Variants in GOLGB1 observed in about 807,000 individuals in gnomAD.
GOLGB1 encodes the protein golgin B1.
In GOLGB1, 174 loss-of-function variants were observed where a neutral mutation model predicts 336.9. The observed-to-expected ratio is 0.52, with a 90% CI of 0.46 to 0.59. The LOEUF (loss-of-function observed/expected upper bound fraction) is 0.59, where lower values mean the gene tolerates loss of function less well. GOLGB1 is among the 20% of genes least tolerant of loss of function. The pLI is 0.00. For synonymous variants in GOLGB1, 1,208 were observed against 1,289.2 expected, an observed-to-expected ratio of 0.94 and a Z score of 1.35; for missense variants, 3,331 against 3,645.3, an observed-to-expected ratio of 0.91 and a Z score of 2.22.
chr3:121,729,185 T>A lies in GOLGB1; in HGVS notation c.402+3A>T. ...AAATATACACTACACCCAGTCACCA[T>A]ACCTTGGAAAGTTGCTCCTCTGACT... On this transcript the variant is annotated splice_donor_region_variant and intron_variant, in intron 4 of 21. Transcript: ENST00000614479. 6.2e-7 allele frequency: 1 copy of A among 1,601,608 alleles called. No homozygotes were observed. The highest frequency in any genetic ancestry group is 8.5e-7 in the Non-Finnish European group (1 of 1,174,830).
At chr3:121,748,436 T>C (rs375601962) in intron 1 of GOLGB1, among the ~76,000 whole-genome samples, 3 of 149,828 alleles carry the variant, frequency 2.0e-5, no homozygotes, top group Non-Finnish European at 4.5e-5. Context: ...GTAAAAAATA[T>C]TGATGCAGTG....
rs1220639767 is a variant in GOLGB1, at chr3:121,690,792, C to G, written c.8572G>C (p.Glu2858Gln). 1 of 1,600,538 alleles carries G rather than the reference C, an allele frequency of 6.2e-7. No homozygotes were observed. The highest frequency in any genetic ancestry group is 1.1e-5 in the South Asian group (1 of 88,268). The change falls in exon 14 of 22, where the codon GAG (glutamate) becomes CAG (glutamine). Residue 2858 changes from glutamate to glutamine, a missense_variant. Physicochemically the swap from Glu to Gln is conservative, Grantham distance 29 (BLOSUM62 2). Transcript: ENST00000614479. Reference sequence around the variant, plus strand: ...CCTTCCTCTGACTTTCGAAATTTCTCCAGCTCATTCCACAGGTGATCTCTC... The same window carrying G: ...CCTTCCTCTGACTTTCGAAATTTCTGCAGCTCATTCCACAGGTGATCTCTC... ...NERDHLWNEL[E>Q]KFRKSEEGKQ...
At position 121,664,287 on chromosome 3, in the gene GOLGB1, A is replaced by C. The variant is rs947503010; in HGVS notation, c.*193T>G. 8.3e-6 allele frequency: 5 copies of C among 605,056 alleles called. No individual in the cohort carries two copies. Among genetic ancestry groups the C allele is most frequent in the African/African-American group, 7.4e-5 (4 of 53,808 alleles). The allele number at this position is 605,056 out of a possible 1,614,324, so 37.5% of individuals were successfully genotyped here. On this transcript the variant is annotated 3_prime_UTR_variant, in exon 22 of 22. Coordinates refer to ENST00000614479, the MANE Select transcript of GOLGB1 (RefSeq NM_001366282.2). ...GCGTTCAGGCTCAGGGCAGTAGAAG[A>C]AAGCAGACTCGCCAGTCCCTGCAGC...
intron 1 of GOLGB1, among the ~76,000 whole-genome samples, chr3:121,747,153 TATATA>T (rs1560351147): frequency 4.9e-5 from 1 of 20,320 alleles, no homozygotes; most frequent in Non-Finnish European, 1.2e-4. Context: ...ATGGATGTTA[TATATA>T]TATATATATA....
chr3:121,736,457 A>G (rs977941913), intron 1 of GOLGB1, among the ~76,000 whole-genome samples: 1 of 152,228 alleles, frequency 6.6e-6, no homozygotes, highest in Non-Finnish European at 1.5e-5. Flanking sequence ...CCGTAAGCCC[A>G]GTCTAATCAT....
chr3:121,670,740 C>G (rs1576261034), intron 17 of GOLGB1, among the ~76,000 whole-genome samples: 1 of 114,868 alleles, frequency 8.7e-6, no homozygotes, highest in Admixed American at 1.1e-4. Flanking sequence ...CTAAGAAAAT[C>G]ATAGGGTTTT....
At position 121,696,231 on chromosome 3, in the gene GOLGB1, T is replaced by G; in HGVS notation, c.4292A>C (p.Gln1431Pro). 6.2e-7 allele frequency: 1 copy of G among 1,614,034 alleles called. No individual in the cohort carries two copies. Among genetic ancestry groups the G allele is most frequent in the East Asian group, 2.2e-5 (1 of 44,874 alleles). ...ATCTTCTTGTTCTATTATCTCTGTC[T>G]GTATTTTAGTGAGAGCTGCTTCTTT... ...SEKEAALTKI[Q>P]TEIIEQEDLI... Residue 1431 changes from glutamine (Q) to proline (P), a missense_variant, in exon 13 of 22, where the codon CAG (glutamine) becomes CCG (proline). Transcript: ENST00000614479.
intron 5 of GOLGB1, among the ~76,000 whole-genome samples, chr3:121,725,703 G>A (rs1180982642): frequency 6.6e-6 from 1 of 152,104 alleles, no homozygotes; most frequent in Non-Finnish European, 1.5e-5. Flanking sequence ...AGTGTGACAA[G>A]AGGCCTTTAA....
At chr3:121,703,318 G>A (rs1353677286) in intron 10 of GOLGB1, among the ~76,000 whole-genome samples, 3 of 152,170 alleles carry the variant, frequency 2.0e-5, no homozygotes, top group Admixed American at 6.5e-5. Flanking sequence ...TGAATTTAGG[G>A]TTTTTATGGC....
At position 121,694,931 on chromosome 3, in the gene GOLGB1, G is replaced by A. The variant is rs762668911; in HGVS notation, c.5592C>T (p.Asn1864=). Reference sequence around the variant, plus strand: ...TTTCTAAAGTCTGGCTAAATTCCTTGTTTTTCTGCTTCTCCTCCTCTAATC... The same window carrying A: ...TTTCTAAAGTCTGGCTAAATTCCTTATTTTTCTGCTTCTCCTCCTCTAATC... ...IAGLEEEKQK[N]KEFSQTLENE... The change falls in exon 13 of 22, where the codon AAC becomes AAT. Residue 1864 remains asparagine, a synonymous_variant. Coordinates refer to ENST00000614479, the MANE Select transcript of GOLGB1 (RefSeq NM_001366282.2). The A allele has an allele frequency of 6.2e-7, 1 of 1,613,988 alleles. No individual in the cohort carries two copies. Among genetic ancestry groups the A allele is most frequent in the Non-Finnish European group, 8.5e-7 (1 of 1,179,914 alleles).
In GOLGB1 at chr3:121,702,537, T is replaced by C. The variant is rs1943494663; in HGVS notation, c.1463A>G (p.Glu488Gly). The C allele has an allele frequency of 1.3e-6, 2 of 1,553,564 alleles. No individual in the cohort carries two copies. The highest frequency in any genetic ancestry group is 1.7e-6 in the Non-Finnish European group (2 of 1,151,178). Residue 488 changes from glutamate (E) to glycine (G), a missense_variant, in exon 11 of 22, where the codon GAA (glutamate) becomes GGA (glycine). Transcript: ENST00000614479. ...LQKRVVELEN[E>G]KGALLLSSIE... ...AGAACTAAGGAGCAAGGCTCCCTTT[T>C]CATTCTCTAGTTCTACCACTCTCTT... is the stretch of plus-strand genomic sequence containing the variant.
At chr3:121,716,024 G>T (rs760801751) in intron 9 of GOLGB1, among the ~76,000 whole-genome samples, 9 of 151,582 alleles carry the variant, frequency 5.9e-5, no homozygotes, top group Non-Finnish European at 7.4e-5. Flanking sequence ...AAAACTGTCT[G>T]GCTAACATTC....
chr3:121,673,685 TGCTATCTA>T (rs950726725), intron 17 of GOLGB1, among the ~76,000 whole-genome samples: 3 of 139,144 alleles, frequency 2.2e-5, no homozygotes, highest in African/African-American at 8.1e-5. Context: ...TAAATGGGAT[TGCTATCTA>T]TCTATCTATC....
chr3:121,707,225 CAA>C (rs554313106), intron 10 of GOLGB1, among the ~76,000 whole-genome samples: 15 of 93,628 alleles, frequency 1.6e-4, no homozygotes, highest in East Asian at 5.7e-4. Flanking sequence ...GACTCCATCT[CAA>C]AAAAAAAAAA....
chr3:121,744,386 G>A lies in GOLGB1; in HGVS notation c.-3+5246C>T, dbSNP rs910249432. On this transcript the variant is annotated intron_variant, in intron 1 of 21. Coordinates refer to ENST00000614479, the MANE Select transcript of GOLGB1 (RefSeq NM_001366282.2). Reference sequence around the variant, plus strand: ...CCTTAGAAGGCTGAGGTGAGAGGATGGCTTGAGCTCAAGAGTTCAAGACCA... The same window carrying A: ...CCTTAGAAGGCTGAGGTGAGAGGATAGCTTGAGCTCAAGAGTTCAAGACCA... Among the ~76,000 whole-genome samples, 5 of 146,476 alleles carry A rather than the reference G, an allele frequency of 3.4e-5. No individual in the cohort carries two copies. The Admixed American group carries it at 3.5e-4, about 10-fold the overall frequency.
intron 1 of GOLGB1, among the ~76,000 whole-genome samples, chr3:121,736,673 C>A (rs563868981): frequency 1.2e-4 from 18 of 152,264 alleles, no homozygotes; most frequent in African/African-American, 3.8e-4. Context: ...GAGGCCGAGG[C>A]AGGCAGATCA....
intron 14 of GOLGB1, among the ~76,000 whole-genome samples, chr3:121,687,335 G>T (rs1438848145): frequency 2.6e-5 from 4 of 152,190 alleles, no homozygotes; most frequent in Admixed American, 2.6e-4. Context: ...GTCTATTCTA[G>T]AGATAGTACA....
In GOLGB1 at chr3:121,664,556, C is replaced by T. The variant is rs771045916; in HGVS notation, c.9719G>A (p.Arg3240Gln). The change falls in exon 22 of 22, where the codon CGA becomes CAA. Residue 3240 changes from arginine (R) to glutamine (Q), a missense_variant. Coordinates refer to ENST00000614479, the MANE Select transcript of GOLGB1 (RefSeq NM_001366282.2). The stretch of plus-strand genomic sequence containing the variant: ...GTAGATGGCTGCTAGAAGTGGCACT[C>T]GGGTCCGTGAATGACAGAGTGAACG... ...VLRSLCHSRT[R>Q]VPLLAAIYFL... 17 of 1,613,512 alleles carry T rather than the reference C, an allele frequency of 1.1e-5. No homozygotes were observed. Among genetic ancestry groups the T allele is most frequent in the East Asian group, 2.2e-5 (1 of 44,878 alleles).
rs1326682204 is a variant in GOLGB1, at chr3:121,665,004, G to A, written c.9582C>T (p.Ser3194=). ...CACAGGAGCCAATGATAGGAGTCCG[G>A]GAAGAGTCCCATTCACTGTGCTCTA... is the stretch of plus-strand genomic sequence containing the variant. ...RRLEHSEWDS[S]RTPIIGSCGT... is the part of the protein sequence containing the mutation. Residue 3194 remains serine, a synonymous_variant, in exon 21 of 22, where the codon TCC becomes TCT. Transcript: ENST00000614479. The A allele has an allele frequency of 6.2e-7, 1 of 1,609,286 alleles. No homozygotes were observed. The highest frequency in any genetic ancestry group is 8.5e-7 in the Non-Finnish European group (1 of 1,175,710).
Sources: allele counts gnomAD v4.1 joint callset (sites outside exome capture counted in the v4.1 genomes callset), GRCh38; gene constraint gnomAD v4.1.1; transcripts MANE v1.5; gene names NCBI Gene and HGNC (gene_info 2026-07-23, HGNC 2026-07-21).